ZBTB2: variants seen among roughly 807,000 people sequenced by gnomAD.
ZBTB2 encodes the protein zinc finger and BTB domain containing 2.
In ZBTB2, 2 loss-of-function variants were observed where a neutral mutation model predicts 39.5. The observed-to-expected ratio is 0.05, with a 90% CI of 0.02 to 0.16. ZBTB2 has a LOEUF of 0.16. Ranked by LOEUF, ZBTB2 falls within the 10% of genes least tolerant of loss-of-function variation. ZBTB2 has a pLI of 1.00. For synonymous variants in ZBTB2, 251 were observed against 256.6 expected, an observed-to-expected ratio of 0.98 and a Z score of 0.21; for missense variants, 391 against 653.0, an observed-to-expected ratio of 0.60 and a Z score of 4.37.
chr6:151,387,557 G>A (rs3860810), intron 1 of ZBTB2, among the ~76,000 whole-genome samples: 56,852 of 152,014 alleles, frequency 0.37, 12,952 homozygotes, highest in East Asian at 0.69. Context: ...GAGAACATGC[G>A]CACTTCATTC....
intron 1 of ZBTB2, among the ~76,000 whole-genome samples, chr6:151,379,637 GAAAAAAA>G (rs61085296): frequency 1.2e-3 from 82 of 65,902 alleles, no homozygotes; most frequent in Admixed American, 3.3e-3. Flanking sequence ...GACCCTGTCT[GAAAAAAA>G]AAAAAAAAAA....
At chr6:151,378,977 C>G (rs529797002) in intron 1 of ZBTB2, among the ~76,000 whole-genome samples, 2 of 152,290 alleles carry the variant, frequency 1.3e-5, no homozygotes, top group African/African-American at 4.8e-5. Flanking sequence ...GCTTATAGAA[C>G]CAGTACATTC....
At chr6:151,370,395 A>G (rs1778762445) in intron 2 of ZBTB2, among the ~76,000 whole-genome samples, 1 of 152,256 alleles carries the variant, frequency 6.6e-6, no homozygotes, top group African/African-American at 2.4e-5. Flanking sequence ...TAGTTTTACT[A>G]CAGCTATAAG....
At chr6:151,380,428 C>T (rs993185717) in intron 1 of ZBTB2, among the ~76,000 whole-genome samples, 1 of 152,198 alleles carries the variant, frequency 6.6e-6, no homozygotes, top group African/African-American at 2.4e-5. Flanking sequence ...TCACGGCTTC[C>T]CTTCATACTC....
intron 1 of ZBTB2, among the ~76,000 whole-genome samples, chr6:151,386,074 T>C (rs917757115): frequency 6.6e-6 from 1 of 152,184 alleles, no homozygotes; most frequent in African/African-American, 2.4e-5. Flanking sequence ...AGTTTTTAGT[T>C]TCCAAATGTA....
intron 2 of ZBTB2, among the ~76,000 whole-genome samples, chr6:151,367,948 TAGTG>T (rs1378567901): frequency 6.6e-6 from 1 of 152,208 alleles, no homozygotes; most frequent in Admixed American, 6.5e-5. Flanking sequence ...CATTAGAAAT[TAGTG>T]AGATCTATAT....
intron 1 of ZBTB2, among the ~76,000 whole-genome samples, chr6:151,374,930 T>TAAAAAA (rs71556221): frequency 1.6e-5 from 1 of 63,836 alleles, no homozygotes; most frequent in Non-Finnish European, 3.1e-5. Context: ...CCGTCTCTAC[T>TAAAAAA]AAAAAAAAAA....
At chr6:151,370,444 A>G (rs1778764087) in intron 2 of ZBTB2, among the ~76,000 whole-genome samples, 1 of 152,218 alleles carries the variant, frequency 6.6e-6, no homozygotes, top group Non-Finnish European at 1.5e-5. Flanking sequence ...TCCGTTTTCA[A>G]TTATTCCTTC....
intron 2 of ZBTB2, among the ~76,000 whole-genome samples, chr6:151,369,634 A>T (rs9479019): frequency 0.084 from 12,669 of 150,336 alleles, 834 homozygotes; most frequent in African/African-American, 0.18. Context: ...TTAAAAAAAA[A>T]TTTTTTTTTT....
chr6:151,376,716 G>GAAGC (rs1276077146), intron 1 of ZBTB2, among the ~76,000 whole-genome samples: 1 of 152,210 alleles, frequency 6.6e-6, no homozygotes, highest in Non-Finnish European at 1.5e-5. Context: ...AGAGTGTGGA[G>GAAGC]AAGCTGGATC....
At position 151,369,023 on chromosome 6, in the gene ZBTB2, A is replaced by G. The variant is rs1778718822; in HGVS notation, c.174-2131T>C. Among the ~76,000 whole-genome samples the G allele has an allele frequency of 1.3e-5, 2 of 152,076 alleles. 1 individual carries two copies. Among genetic ancestry groups the G allele is most frequent in the South Asian group, 4.2e-4 (2 of 4,812 alleles). On this transcript the variant is annotated intron_variant, in intron 2 of 2. Transcript: ENST00000325144. ...AGTGATCTGCCCATCTCGGCCTCCC[A>G]AAGTGCTAGGATTACAGGCATGAAC...
chr6:151,376,029 T>C lies in ZBTB2; in HGVS notation c.-12-2380A>G, dbSNP rs150269190. On this transcript the variant is annotated intron_variant, in intron 1 of 2. Coordinates refer to ENST00000325144, the MANE Select transcript of ZBTB2 (RefSeq NM_020861.3). ...CTGTGAACCCAGAAGTAGACACACA[T>C]AAATATGCACAACTGATTACTGACA... Among the ~76,000 whole-genome samples the C allele has an allele frequency of 1.1e-3, 167 of 152,176 alleles. 1 individual carries two copies. Among genetic ancestry groups the C allele is most frequent in the African/African-American group, 4.0e-3 (164 of 41,514 alleles).
At chr6:151,369,625 TA>T (rs549888200) in intron 2 of ZBTB2, among the ~76,000 whole-genome samples, 125 of 151,712 alleles carry the variant, frequency 8.2e-4, no homozygotes, top group Admixed American at 1.8e-3. Context: ...CACGCAGCCT[TA>T]AAAAAAAATT....
chr6:151,391,224 C>T (rs979860944), intron 1 of ZBTB2, among the ~76,000 whole-genome samples, 196 bp downstream of exon 1: 7 of 151,738 alleles, frequency 4.6e-5, no homozygotes, highest in Non-Finnish European at 1.0e-4. Context: ...ACCGGGTCCC[C>T]GAGTGGCCCG....
intron 1 of ZBTB2, among the ~76,000 whole-genome samples, chr6:151,378,258 T>C (rs1778959543): frequency 6.6e-6 from 1 of 152,108 alleles, no homozygotes; most frequent in Non-Finnish European, 1.5e-5. Flanking sequence ...AAATCAAGAA[T>C]CCAGAATGTC....
intron 1 of ZBTB2, among the ~76,000 whole-genome samples, chr6:151,380,197 A>C (rs970438084): frequency 1.3e-5 from 2 of 152,154 alleles, no homozygotes; most frequent in African/African-American, 4.8e-5. Context: ...AAAATTCACG[A>C]GGGGGAAAAT....
At position 151,365,484 on chromosome 6, in the gene ZBTB2, T is replaced by C. The variant is rs1369048917; in HGVS notation, c.*37A>G. ...CAGGGAAGGGAGGGAAGATAGTCTT[T>C]GTAAAAATGAGAGTTTTTTAAAAAG... On this transcript the variant is annotated 3_prime_UTR_variant, in exon 3 of 3. Coordinates refer to ENST00000325144, the MANE Select transcript of ZBTB2 (RefSeq NM_020861.3). This position sits in a 1 kb window ranked among gnomAD's most constrained non-coding sequence, Gnocchi z 5.6. 6 of 1,561,088 alleles carry C rather than the reference T, an allele frequency of 3.8e-6. No homozygotes were observed. The Admixed American group carries it at 1.2e-4, about 30-fold the overall frequency.
At chr6:151,371,342 A>C (rs1274438234) in intron 2 of ZBTB2, among the ~76,000 whole-genome samples, 3 of 152,212 alleles carry the variant, frequency 2.0e-5, no homozygotes. Flanking sequence ...ATAACAACAT[A>C]GGGGAAAGGT....
chr6:151,372,044 T>A (rs924514076), intron 2 of ZBTB2, among the ~76,000 whole-genome samples: 83 of 152,018 alleles, frequency 5.5e-4, no homozygotes, highest in African/African-American at 1.7e-3. Flanking sequence ...GACAGAACAG[T>A]CAAGGCCAGA....
Sources: allele counts gnomAD v4.1 joint callset (sites outside exome capture counted in the v4.1 genomes callset), GRCh38; gene constraint gnomAD v4.1.1; non-coding constraint Gnocchi (gnomAD v3.1); transcripts MANE v1.5; gene names NCBI Gene and HGNC (gene_info 2026-07-23, HGNC 2026-07-21).